SNAP25: variants seen among roughly 807,000 people sequenced by gnomAD.
SNAP25 encodes synaptosome associated protein 25.
Under a neutral mutation model 28.7 loss-of-function variants are expected in SNAP25, and 3 were observed. The ratio of observed to expected loss-of-function variants is 0.10; its 90% CI spans 0.05 to 0.27. SNAP25 has a LOEUF of 0.27. SNAP25 is among the 10% of genes least tolerant of loss of function. The pLI is 1.00. For synonymous variants in SNAP25, 61 were observed against 88.1 expected, an observed-to-expected ratio of 0.69 and a Z score of 1.72; for missense variants, 117 against 278.7, an observed-to-expected ratio of 0.42 and a Z score of 4.13.
intron 1 of SNAP25, among the ~76,000 whole-genome samples, chr20:10,266,221 A>G (rs1170869805): frequency 6.6e-6 from 1 of 152,180 alleles, no homozygotes; most frequent in Non-Finnish European, 1.5e-5. Flanking sequence ...CACCCTTTCA[A>G]TGAGGGGACT....
intron 4 of SNAP25, among the ~76,000 whole-genome samples, chr20:10,285,283 T>C (rs1358947441): frequency 6.6e-6 from 1 of 152,162 alleles, no homozygotes; most frequent in Non-Finnish European, 1.5e-5. Context: ...ATCTGGAAAA[T>C]ACAACATTGA....
At chr20:10,294,415 A>G (rs2064062853) in intron 5 of SNAP25, among the ~76,000 whole-genome samples, 1 of 152,216 alleles carries the variant, frequency 6.6e-6, no homozygotes, top group Admixed American at 6.5e-5. Context: ...ACTGGAATCT[A>G]GCTAACTGGA....
intron 4 of SNAP25, among the ~76,000 whole-genome samples, chr20:10,290,386 T>G (rs1209616838): frequency 2.6e-5 from 4 of 152,226 alleles, no homozygotes; most frequent in Non-Finnish European, 5.9e-5. Flanking sequence ...ATTTTCTGAA[T>G]AGTTTTCTGA....
chr20:10,268,644 G>A (rs1322415150), intron 1 of SNAP25, among the ~76,000 whole-genome samples: 1 of 152,100 alleles, frequency 6.6e-6, no homozygotes, highest in Non-Finnish European at 1.5e-5. Context: ...TCTTCAGCAG[G>A]AACGCATTTT....
intron 1 of SNAP25, among the ~76,000 whole-genome samples, chr20:10,229,802 T>G (rs1056883038): frequency 1.3e-5 from 2 of 152,154 alleles, no homozygotes; most frequent in African/African-American, 4.8e-5. Context: ...TCTAAGGTAC[T>G]GATCACAACT....
At chr20:10,233,654 TCTC>T (rs1478697022) in intron 1 of SNAP25, among the ~76,000 whole-genome samples, 1 of 152,146 alleles carries the variant, frequency 6.6e-6, no homozygotes, top group Non-Finnish European at 1.5e-5. Flanking sequence ...TCTGCTTCTC[TCTC>T]AAGGTGGAAG....
chr20:10,233,243 A>T (rs893373910), intron 1 of SNAP25, among the ~76,000 whole-genome samples: 1 of 152,130 alleles, frequency 6.6e-6, no homozygotes, highest in Non-Finnish European at 1.5e-5. Context: ...GGGCTCAAAG[A>T]TTAGAGCCAA....
chr20:10,253,373 T>C (rs547870995), intron 1 of SNAP25, among the ~76,000 whole-genome samples: 9 of 152,330 alleles, frequency 5.9e-5, no homozygotes, highest in African/African-American at 1.9e-4. Flanking sequence ...TGATGAGGAC[T>C]CTGGATTCGA....
At chr20:10,255,345 A>G (rs375829917) in intron 1 of SNAP25, among the ~76,000 whole-genome samples, 7 of 152,278 alleles carry the variant, frequency 4.6e-5, no homozygotes, top group South Asian at 2.1e-4. Context: ...ACCCTCTTGT[A>G]TGTTTCCTTC....
At chr20:10,248,105 G>A (rs937682815) in intron 1 of SNAP25, among the ~76,000 whole-genome samples, 2 of 152,332 alleles carry the variant, frequency 1.3e-5, no homozygotes, top group East Asian at 3.9e-4. Context: ...ATCATGTTGA[G>A]CCCATGCTTA....
intron 2 of SNAP25, among the ~76,000 whole-genome samples, chr20:10,276,729 C>T (rs1390365230): frequency 6.6e-6 from 1 of 152,066 alleles, no homozygotes; most frequent in Non-Finnish European, 1.5e-5. Context: ...ATTGGCTATG[C>T]GGAATTTACA....
intron 4 of SNAP25, among the ~76,000 whole-genome samples, chr20:10,287,319 AC>A (rs1480515346): frequency 3.9e-5 from 6 of 152,160 alleles, no homozygotes; most frequent in African/African-American, 1.4e-4. Flanking sequence ...CAAGAAAAAA[AC>A]AAATAACCCC....
At chr20:10,278,575 G>A (rs2063729330) in intron 3 of SNAP25, among the ~76,000 whole-genome samples, 1 of 152,106 alleles carries the variant, frequency 6.6e-6, no homozygotes, top group Non-Finnish European at 1.5e-5. Context: ...TCAGCGAGAT[G>A]CTGTTTTAGC....
At chr20:10,262,131 G>C (rs1414894618) in intron 1 of SNAP25, among the ~76,000 whole-genome samples, 1 of 152,156 alleles carries the variant, frequency 6.6e-6, no homozygotes, top group Non-Finnish European at 1.5e-5. Context: ...GCTATGGAAG[G>C]ATGATATCAT....
At chr20:10,278,123 G>A (rs1207516946) in intron 3 of SNAP25, 1 of 157,932 alleles carries the variant, frequency 6.3e-6, no homozygotes, top group African/African-American at 2.4e-5. Context: ...TTGAGATTCT[G>A]TTCTAACTTT....
chr20:10,238,570 G>T (rs2062964609), intron 1 of SNAP25, among the ~76,000 whole-genome samples: 1 of 152,102 alleles, frequency 6.6e-6, no homozygotes, highest in South Asian at 2.1e-4. Context: ...CTCTATTTTA[G>T]AGTCAACATA....
chr20:10,234,095 T>C (rs1038512023), intron 1 of SNAP25, among the ~76,000 whole-genome samples: 5 of 152,180 alleles, frequency 3.3e-5, no homozygotes, highest in African/African-American at 1.2e-4. Flanking sequence ...TTTTTTCAGG[T>C]CACTTACCAA....
chr20:10,293,364 G>T lies in SNAP25; in HGVS notation c.281+86G>T, dbSNP rs1568624299. Reference sequence around the variant, plus strand: ...AAGCTCATTCCTGCCAAGCTCATAGGCAGGATGAGCATGTGGCATGCAGAA... The same window carrying T: ...AAGCTCATTCCTGCCAAGCTCATAGTCAGGATGAGCATGTGGCATGCAGAA... On this transcript the variant is annotated intron_variant, in intron 5 of 7. Transcript: ENST00000254976. The surrounding 1 kb of genome is among the most constrained non-coding windows in gnomAD (Gnocchi z 5.6). 1.0e-6 allele frequency: 1 copy of T among 954,974 alleles called. No homozygotes were observed. The highest frequency in any genetic ancestry group is 1.7e-6 in the Non-Finnish European group (1 of 589,956). 59.2% of individuals were successfully genotyped at this position (954,974 alleles called of 1,614,324 possible).
In SNAP25 at chr20:10,224,492, A is replaced by G. The variant is rs184628939; in HGVS notation, c.-64+5515A>G. ...GATAGAAGTGGACTAATGATGTCCA[A>G]TATCCCTACCATTCAAAAATCAATG... is the stretch of plus-strand genomic sequence containing the variant. On this transcript the variant is annotated intron_variant, in intron 1 of 7. Coordinates refer to ENST00000254976, the MANE Select transcript of SNAP25 (RefSeq NM_130811.4). Among the ~76,000 whole-genome samples the G allele has an allele frequency of 4.4e-3, 665 of 151,880 alleles. 1 individual carries two copies. Among genetic ancestry groups the G allele is most frequent in the Non-Finnish European group, 6.7e-3 (457 of 67,944 alleles).
Sources: gnomAD v4.1 joint callset for allele counts (sites outside exome capture counted in the v4.1 genomes callset) on GRCh38, gnomAD v4.1.1 for gene constraint, Gnocchi (gnomAD v3.1) non-coding constraint, MANE v1.5 for transcripts, NCBI Gene and HGNC (gene_info 2026-07-23, HGNC 2026-07-21) for gene names.